Variants in CSMD1 observed in about 807,000 individuals in gnomAD.
The protein encoded by CSMD1 is CUB and Sushi multiple domains 1, also known as CUB and sushi domain-containing protein 1.
In CSMD1, 213 loss-of-function variants were observed where a neutral mutation model predicts 417.5. The ratio of observed to expected loss-of-function variants is 0.51; its 90% confidence interval spans 0.46 to 0.57. The LOEUF (loss-of-function observed/expected upper bound fraction) is 0.57, where lower values mean the gene tolerates loss of function less well. Ranked by LOEUF, CSMD1 falls within the 20% of genes least tolerant of loss-of-function variation. The pLI is 0.00. For missense variants in CSMD1, 6,923 were observed against 4,529.7 expected (o/e 1.53, Z -15.17); for synonymous variants, 2,862 against 1,736.8 (o/e 1.65, Z -16.11).
chr8:3,991,783 C>G (rs1814770359), intron 5 of CSMD1, among the ~76,000 whole-genome samples: 1 of 152,116 alleles, frequency 6.6e-6, no homozygotes. Flanking sequence ...AGGAAATATA[C>G]CTTGGGACTG....
rs147404121 is a variant in CSMD1, at chr8:4,810,689, G to A, written c.86-173131C>T. ...CATAGAAACTTTATAATGTTCCAATGTCAATGAGATTCCGTCATCTGGAAA... is the reference window on the plus strand; with the variant it reads ...CATAGAAACTTTATAATGTTCCAATATCAATGAGATTCCGTCATCTGGAAA... On this transcript the variant is annotated intron_variant, in intron 1 of 69. Transcript: ENST00000635120. Among the ~76,000 whole-genome samples the A allele has an allele frequency of 2.4e-3, 371 of 152,248 alleles. 3 individuals are homozygous for A. The highest frequency in any genetic ancestry group is 0.01 in the Middle Eastern group (3 of 294).
intron 5 of CSMD1, among the ~76,000 whole-genome samples, chr8:3,871,774 A>G (rs775201925): frequency 3.0e-4 from 46 of 152,352 alleles, no homozygotes; most frequent in Non-Finnish European, 5.4e-4. Context: ...TGGATGACAT[A>G]AAGATTAAAT....
chr8:3,975,759 C>T (rs1368824789), intron 5 of CSMD1, among the ~76,000 whole-genome samples: 1 of 152,168 alleles, frequency 6.6e-6, no homozygotes. Flanking sequence ...ATGTCATGTC[C>T]AAGTCTTCAA....
rs752948720 is a variant in CSMD1 at position 4,446,757 on chromosome 8, G to A, written c.303-26692C>T. On this transcript the variant is annotated intron_variant, in intron 2 of 69. Coordinates refer to ENST00000635120, the MANE Select transcript of CSMD1 (RefSeq NM_033225.6). Reference sequence around the variant, plus strand: ...TCTGTGTGTGTGTGTGTGTGTGTCTGTGTGTGTGTGTGTGTGTGTGTGTGT... The same window carrying A: ...TCTGTGTGTGTGTGTGTGTGTGTCTATGTGTGTGTGTGTGTGTGTGTGTGT... Among the ~76,000 whole-genome samples the A allele has an allele frequency of 1.1e-3, 29 of 26,260 alleles. 1 individual carries two copies. Among genetic ancestry groups the A allele is most frequent in the Non-Finnish European group, 2.4e-3 (29 of 12,186 alleles). 17.2% of individuals were successfully genotyped at this position (26,260 alleles called of 152,430 possible). A position where few individuals can be genotyped will look rare whatever the true frequency, so the allele number is the denominator to read the frequency against.
chr8:4,645,130 C>A (rs1803440156), intron 1 of CSMD1, among the ~76,000 whole-genome samples: 1 of 152,112 alleles, frequency 6.6e-6, no homozygotes, highest in Non-Finnish European at 1.5e-5. Flanking sequence ...CTTAAATACT[C>A]CCTGCTTTAT....
intron 7 of CSMD1, among the ~76,000 whole-genome samples, chr8:3,649,922 T>G (rs1458066103): frequency 1.3e-5 from 2 of 150,048 alleles, no homozygotes; most frequent in Non-Finnish European, 3.0e-5. Flanking sequence ...ATGGTATATG[T>G]AACTTAAAAT....
rs1453789685 is a variant in CSMD1 at position 4,410,147 on chromosome 8, G to A, written c.415+9806C>T. Among the ~76,000 whole-genome samples, 5 of 152,110 alleles carry A rather than the reference G, an allele frequency of 3.3e-5. No homozygotes were observed. In the South Asian group the frequency reaches 8.3e-4, roughly 25 times the overall value. On this transcript the variant is annotated intron_variant, in intron 3 of 69. Transcript: ENST00000635120. Reference sequence around the variant, plus strand: ...TATAATCTTTGAAGCCATCTTCTAGGCTAATCTAGGCCAAATGGAAGGAGA... The same window carrying A: ...TATAATCTTTGAAGCCATCTTCTAGACTAATCTAGGCCAAATGGAAGGAGA...
At chr8:3,683,061 G>A (rs781033268) in intron 7 of CSMD1, among the ~76,000 whole-genome samples, 73 of 152,158 alleles carry the variant, frequency 4.8e-4, no homozygotes, top group African/African-American at 1.5e-3. Flanking sequence ...TGGGGGTAGA[G>A]GGAAGGGATA....
intron 2 of CSMD1, among the ~76,000 whole-genome samples, chr8:4,420,673 C>G (rs1044140397): frequency 6.6e-6 from 1 of 152,090 alleles, no homozygotes; most frequent in Admixed American, 6.6e-5. Flanking sequence ...AAGCTGTGCT[C>G]TTAGGAAAAG....
chr8:3,407,062 GATGA>G (rs1303630291), intron 14 of CSMD1, among the ~76,000 whole-genome samples: 1 of 152,090 alleles, frequency 6.6e-6, no homozygotes, highest in Non-Finnish European at 1.5e-5. Flanking sequence ...TGGCTGGCTG[GATGA>G]ATGGAGGGAT....
At position 3,444,381 on chromosome 8, in the gene CSMD1, T is replaced by C. The variant is rs568294911; in HGVS notation, c.1561+24331A>G. On this transcript the variant is annotated intron_variant, in intron 12 of 69. Coordinates refer to ENST00000635120, the MANE Select transcript of CSMD1 (RefSeq NM_033225.6). ...GCATCAACAAAGATAATACATTCCA[T>C]AGATTGAAAATCATCAGACTGTTTT... 6.6e-5 allele frequency among the ~76,000 whole-genome samples: 10 copies of C among 152,324 alleles called. No homozygotes were observed. The South Asian group carries it at 1.2e-3, about 19-fold the overall frequency.
chr8:4,457,652 T>C (rs1467502945), intron 2 of CSMD1, among the ~76,000 whole-genome samples: 1 of 152,126 alleles, frequency 6.6e-6, no homozygotes, highest in African/African-American at 2.4e-5. Flanking sequence ...TCAAATAGCA[T>C]GATGTTAAGC....
intron 3 of CSMD1, among the ~76,000 whole-genome samples, chr8:4,185,205 A>C (rs1319116884): frequency 6.6e-6 from 1 of 151,842 alleles, no homozygotes; most frequent in South Asian, 2.1e-4. Flanking sequence ...AAATGCAAAA[A>C]TGAGTACAGG....
intron 16 of CSMD1, among the ~76,000 whole-genome samples, chr8:3,397,144 TG>T (rs1263408750): frequency 6.6e-6 from 1 of 152,242 alleles, no homozygotes; most frequent in East Asian, 1.9e-4. Context: ...ATTTTCTAAG[TG>T]GGCCTATCTG....
intron 10 of CSMD1, among the ~76,000 whole-genome samples, chr8:3,542,361 T>C (rs1354096023): frequency 1.3e-5 from 2 of 152,204 alleles, no homozygotes; most frequent in African/African-American, 4.8e-5. Context: ...TGAAGATAGG[T>C]AATTAGTTAT....
intron 6 of CSMD1, among the ~76,000 whole-genome samples, chr8:3,740,148 C>T (rs1324014920): frequency 1.3e-5 from 2 of 152,082 alleles, no homozygotes; most frequent in Non-Finnish European, 2.9e-5. Context: ...TCTTGTCCTC[C>T]AGGCTGGAGT....
chr8:3,237,489 T>A (rs889644365), intron 26 of CSMD1, among the ~76,000 whole-genome samples: 1 of 148,668 alleles, frequency 6.7e-6, no homozygotes, highest in Admixed American at 6.8e-5. Context: ...CAACTTTGCA[T>A]ATAAATAAAA....
At position 4,354,761 on chromosome 8, in the gene CSMD1, A is replaced by G. The variant is rs572616204; in HGVS notation, c.415+65192T>C. Among the ~76,000 whole-genome samples the G allele has an allele frequency of 1.7e-4, 26 of 152,224 alleles. No homozygotes were observed. The East Asian group carries it at 5.0e-3, about 29-fold the overall frequency. ...ATGCAGGTGTTTGAATTCCTTTTATAGATTTCCCCCCTCCCAGAAAAATGA... is the reference window on the plus strand; with the variant it reads ...ATGCAGGTGTTTGAATTCCTTTTATGGATTTCCCCCCTCCCAGAAAAATGA... On this transcript the variant is annotated intron_variant, in intron 3 of 69. Transcript: ENST00000635120.
chr8:4,210,896 C>A (rs1800267243), intron 3 of CSMD1, among the ~76,000 whole-genome samples: 1 of 152,018 alleles, frequency 6.6e-6, no homozygotes, highest in Non-Finnish European at 1.5e-5. Flanking sequence ...ACCATATTTT[C>A]TATAAGAAAT....
Sources: allele counts gnomAD v4.1 joint callset (sites outside exome capture counted in the v4.1 genomes callset), GRCh38; gene constraint gnomAD v4.1.1; transcripts MANE v1.5; gene names NCBI Gene and HGNC (gene_info 2026-07-23, HGNC 2026-07-21).